GALNT13: variants seen among roughly 807,000 people sequenced by gnomAD.
The protein encoded by GALNT13 is UDP-GalNAc:polypeptide N-acetylgalactosaminyltransferase 13.
Under a neutral mutation model 64.2 loss-of-function variants are expected in GALNT13, and 28 were observed. The ratio of observed to expected loss-of-function variants is 0.44; its 90% CI spans 0.32 to 0.60. GALNT13 has a LOEUF of 0.60. Ranked by LOEUF, GALNT13 falls within the 20% of genes least tolerant of loss-of-function variation. GALNT13 has a pLI of 0.05. For missense variants in GALNT13, 577 were observed against 669.8 expected (o/e 0.86, Z 1.53); for synonymous variants, 214 against 224.6 (o/e 0.95, Z 0.42).
At chr2:153,454,300 T>C in the GALNT13 span, among the ~76,000 whole-genome samples, 1 of 152,186 alleles carries the variant, frequency 6.6e-6, no homozygotes, top group Non-Finnish European at 1.5e-5. Flanking sequence ...TCTTATAGTC[T>C]TAACTTTAGC....
chr2:154,036,646 C>CG (rs1698673225), intron 3 of GALNT13, among the ~76,000 whole-genome samples: 4 of 152,022 alleles, frequency 2.6e-5, no homozygotes, highest in African/African-American at 7.2e-5. Flanking sequence ...TATTTTTTAA[C>CG]TAAAATATTT....
the GALNT13 span, among the ~76,000 whole-genome samples, chr2:153,265,688 T>C: frequency 2.2e-4 from 33 of 152,212 alleles, no homozygotes; most frequent in African/African-American, 8.0e-4. Context: ...TGTGTGTAGA[T>C]AAATGTTCAT....
At chr2:153,297,074 G>A in the GALNT13 span, among the ~76,000 whole-genome samples, 27 of 152,300 alleles carry the variant, frequency 1.8e-4, 1 homozygote, top group Admixed American at 1.8e-3. Context: ...ACTCTAGGAT[G>A]CCATCAGCAC....
the GALNT13 span, among the ~76,000 whole-genome samples, chr2:153,511,129 T>TA: frequency 6.6e-6 from 1 of 152,080 alleles, no homozygotes; most frequent in Non-Finnish European, 1.5e-5. Context: ...GGAGGATTCT[T>TA]AAAAAATCTA....
chr2:154,064,511 T>C (rs1159903769), intron 3 of GALNT13, among the ~76,000 whole-genome samples: 1 of 151,890 alleles, frequency 6.6e-6, no homozygotes, highest in African/African-American at 2.4e-5. Context: ...GAGTAAAGAG[T>C]ACTTTGTCTT....
intron 3 of GALNT13, among the ~76,000 whole-genome samples, chr2:153,977,457 AG>A (rs1694154775): frequency 6.6e-6 from 1 of 152,162 alleles, no homozygotes; most frequent in Admixed American, 6.6e-5. Context: ...TGCTCAGCAA[AG>A]GGGGAAGCCC....
At chr2:154,076,524 C>G (rs1412291628) in intron 3 of GALNT13, among the ~76,000 whole-genome samples, 1 of 151,656 alleles carries the variant, frequency 6.6e-6, no homozygotes, top group East Asian at 1.9e-4. Context: ...AGCCTGAGCA[C>G]TCTGGTTTCA....
intron 8 of GALNT13, among the ~76,000 whole-genome samples, chr2:154,298,671 A>AATGTATATATAAT: frequency 1.9e-5 from 2 of 106,004 alleles, no homozygotes; most frequent in Non-Finnish European, 3.7e-5. Context: ...TTATATATAC[A>AATGTATATATAAT]TTGTATATAC....
chr2:153,161,317 CCG>C, the GALNT13 span, among the ~76,000 whole-genome samples: 1 of 152,084 alleles, frequency 6.6e-6, no homozygotes, highest in Non-Finnish European at 1.5e-5. Flanking sequence ...CGAGTATTAA[CCG>C]CATGTCAGAT....
chr2:153,701,256 A>G, the GALNT13 span, among the ~76,000 whole-genome samples: 1 of 152,226 alleles, frequency 6.6e-6, no homozygotes, highest in African/African-American at 2.4e-5. Context: ...AGGATTCCCT[A>G]TTTAATAAAT....
At chr2:153,212,472 A>G in the GALNT13 span, among the ~76,000 whole-genome samples, 1 of 152,180 alleles carries the variant, frequency 6.6e-6, no homozygotes, top group Non-Finnish European at 1.5e-5. Flanking sequence ...ACAGCCTTCT[A>G]ATTTAGAAAG....
At chr2:153,505,701 T>A in the GALNT13 span, among the ~76,000 whole-genome samples, 3 of 152,168 alleles carry the variant, frequency 2.0e-5, no homozygotes, top group Non-Finnish European at 4.4e-5. Context: ...CCAATTTTAT[T>A]CCATTGTGGT....
the GALNT13 span, among the ~76,000 whole-genome samples, chr2:153,562,056 C>CTGTGTG: frequency 3.2e-5 from 3 of 92,992 alleles, no homozygotes; most frequent in South Asian, 3.9e-4. Flanking sequence ...CTCTCTCTCT[C>CTGTGTG]TCTCTGTGTG....
In GALNT13 at chr2:154,271,026, G is replaced by A. The variant is rs532577139; in HGVS notation, c.975+11888G>A. Among the ~76,000 whole-genome samples the A allele has an allele frequency of 2.0e-5, 3 of 151,816 alleles. No individual in the cohort carries two copies. The East Asian group carries it at 5.8e-4, about 29-fold the overall frequency. ...GCATTCTTTTCTCTTAATAAAAATA[G>A]AACTCACATACACAAGATGCAGGGA... is the stretch of plus-strand genomic sequence containing the variant. On this transcript the variant is annotated intron_variant, in intron 8 of 12. Coordinates refer to ENST00000392825, the MANE Select transcript of GALNT13 (RefSeq NM_052917.4).
At chr2:153,934,842 G>A (rs553820098) in intron 2 of GALNT13, among the ~76,000 whole-genome samples, 1 of 152,260 alleles carries the variant, frequency 6.6e-6, no homozygotes, top group Non-Finnish European at 1.5e-5. Flanking sequence ...TGGCCTGGCT[G>A]TTTGGGGCCT....
intron 2 of GALNT13, among the ~76,000 whole-genome samples, chr2:153,924,665 A>G (rs907139863): frequency 6.6e-6 from 1 of 152,164 alleles, no homozygotes; most frequent in Non-Finnish European, 1.5e-5. Flanking sequence ...GAACTAATTT[A>G]TACTCTCACC....
intron 7 of GALNT13, chr2:154,257,636 C>G (rs1220381052): frequency 6.6e-6 from 1 of 152,106 alleles, no homozygotes; most frequent in South Asian, 2.1e-4. Context: ...TGAGACTAAG[C>G]AAGGCTCTGC....
chr2:153,931,855 T>C (rs994147399), intron 2 of GALNT13, among the ~76,000 whole-genome samples: 2 of 152,170 alleles, frequency 1.3e-5, no homozygotes, highest in African/African-American at 4.8e-5. Flanking sequence ...GGTTTTGGTA[T>C]GATAATGATA....
the GALNT13 span, among the ~76,000 whole-genome samples, chr2:153,480,141 G>A: frequency 1.3e-5 from 2 of 152,264 alleles, no homozygotes; most frequent in African/African-American, 4.8e-5. Context: ...TCATAAATAT[G>A]TACAGTTGTC....
Sources: allele counts gnomAD v4.1 joint callset (sites outside exome capture counted in the v4.1 genomes callset), GRCh38; gene constraint gnomAD v4.1.1; transcripts MANE v1.5; gene names NCBI Gene and HGNC (gene_info 2026-07-23, HGNC 2026-07-21).